The following CABLES1 variants were observed in gnomAD, a reference collection of about 807,000 sequenced individuals.
CABLES1 encodes the protein Cdk5 and Abl enzyme substrate 1.
In CABLES1, 36 loss-of-function variants were observed where a neutral mutation model predicts 57.8. The observed-to-expected ratio is 0.62, with a 90% CI of 0.48 to 0.82. The LOEUF (loss-of-function observed/expected upper bound fraction) is 0.82, where lower values mean the gene tolerates loss of function less well. CABLES1 is among the 40% of genes least tolerant of loss of function. The pLI is 0.00. For synonymous variants in CABLES1, 374 were observed against 363.0 expected, an observed-to-expected ratio of 1.03 and a Z score of -0.35; for missense variants, 767 against 836.6, an observed-to-expected ratio of 0.92 and a Z score of 1.03.
intron 1 of CABLES1, among the ~76,000 whole-genome samples, chr18:23,174,462 T>C (rs78853245): frequency 2.1e-3 from 312 of 151,592 alleles, no homozygotes; most frequent in African/African-American, 7.1e-3. Flanking sequence ...TCATATGGGG[T>C]GACTCTGTGT....
intron 2 of CABLES1, among the ~76,000 whole-genome samples, chr18:23,190,986 G>T (rs2047238586): frequency 1.3e-5 from 2 of 149,052 alleles, no homozygotes; most frequent in African/African-American, 5.0e-5. Flanking sequence ...GCTCACACCT[G>T]TAACCCCAGC....
chr18:23,141,753 T>G (rs2046859224), intron 1 of CABLES1, among the ~76,000 whole-genome samples: 1 of 152,078 alleles, frequency 6.6e-6, no homozygotes, highest in East Asian at 1.9e-4. Flanking sequence ...GGGAGGCCAG[T>G]GAGCTCAAGG....
intron 3 of CABLES1, chr18:23,197,820 C>T (rs2047295601): frequency 6.6e-6 from 1 of 152,206 alleles, no homozygotes; most frequent in African/African-American, 2.4e-5. Context: ...ATTTTAGGAA[C>T]ACGGTCGCAG....
At position 23,205,498 on chromosome 18, in the gene CABLES1, A is replaced by G. The variant is rs181441210; in HGVS notation, c.1011-8479A>G. Among the ~76,000 whole-genome samples the G allele has an allele frequency of 2.6e-3, 390 of 152,202 alleles. 4 individuals carry two copies. The highest frequency in any genetic ancestry group is 8.4e-3 in the African/African-American group (349 of 41,538). On this transcript the variant is annotated intron_variant, in intron 3 of 9. Transcript: ENST00000256925. Reference sequence around the variant, plus strand: ...CTTGAGCCACCATACCTGGCCGGACATTCTCACTTCTGTGACACCAAACTC... The same window carrying G: ...CTTGAGCCACCATACCTGGCCGGACGTTCTCACTTCTGTGACACCAAACTC...
intron 5 of CABLES1, 68 bp downstream of exon 5, chr18:23,234,772 G>C: frequency 7.8e-7 from 1 of 1,287,940 alleles, no homozygotes; most frequent in South Asian, 1.2e-5. Flanking sequence ...CAGAGGAGGG[G>C]GGCAGCCCAC....
chr18:23,250,925 G>C (rs2048022131), intron 7 of CABLES1, among the ~76,000 whole-genome samples: 1 of 152,188 alleles, frequency 6.6e-6, no homozygotes, highest in Admixed American at 6.5e-5. Flanking sequence ...CACTTGAACG[G>C]GGATGTGCTG....
At chr18:23,209,816 G>C (rs1341695920) in intron 3 of CABLES1, among the ~76,000 whole-genome samples, 1 of 78,034 alleles carries the variant, frequency 1.3e-5, no homozygotes, top group Non-Finnish European at 3.0e-5. Flanking sequence ...CATTGCCAGT[G>C]CTGGGCTGAG....
chr18:23,198,539 G>T (rs964483815), intron 3 of CABLES1, among the ~76,000 whole-genome samples: 2 of 152,126 alleles, frequency 1.3e-5, no homozygotes, highest in Non-Finnish European at 2.9e-5. Flanking sequence ...GAACTGAGGC[G>T]CAAATAAGCT....
intron 1 of CABLES1, among the ~76,000 whole-genome samples, chr18:23,180,248 A>G (rs1438480150): frequency 6.6e-6 from 1 of 152,068 alleles, no homozygotes; most frequent in African/African-American, 2.4e-5. Flanking sequence ...AAGTGAGCGC[A>G]GTCTGATTGG....
intron 1 of CABLES1, among the ~76,000 whole-genome samples, chr18:23,170,900 G>A (rs2047077648): frequency 6.6e-6 from 1 of 152,140 alleles, no homozygotes; most frequent in Non-Finnish European, 1.5e-5. Flanking sequence ...AGGCTCCAGC[G>A]ATTCTGGTGC....
chr18:23,245,655 C>T (rs1368513875), intron 7 of CABLES1, among the ~76,000 whole-genome samples: 2 of 152,228 alleles, frequency 1.3e-5, no homozygotes, highest in Admixed American at 6.5e-5. Flanking sequence ...AGACTGTCTC[C>T]AGCAGGGCAG....
intron 1 of CABLES1, among the ~76,000 whole-genome samples, chr18:23,184,048 G>A (rs866901854): frequency 6.6e-5 from 10 of 152,250 alleles, no homozygotes; most frequent in South Asian, 4.1e-4. Context: ...CAGGGAACAG[G>A]TCCTCATCTT....
In CABLES1 at chr18:23,185,452, C is replaced by T. The variant is rs180680252; in HGVS notation, c.846-3386C>T. Among the ~76,000 whole-genome samples the T allele has an allele frequency of 3.2e-3, 484 of 152,276 alleles. 2 individuals carry two copies. The highest frequency in any genetic ancestry group is 0.011 in the African/African-American group (445 of 41,560). ...CTGAGGACAGGAGGCAAGCCTGGTT[C>T]AGCTGTGTGTTCCTGACAGGGCTCA... On this transcript the variant is annotated intron_variant, in intron 1 of 9. Transcript: ENST00000256925.
At chr18:23,208,330 T>A (rs1361918004) in intron 3 of CABLES1, among the ~76,000 whole-genome samples, 1 of 152,154 alleles carries the variant, frequency 6.6e-6, no homozygotes, top group East Asian at 1.9e-4. Flanking sequence ...GTCCCCCCAA[T>A]AGCTCATGAG....
Position 23,235,960 on chromosome 18 carries a change from C to G in CABLES1, c.1251C>G (p.Asp417Glu), listed in dbSNP as rs1317083650. ...NAFGARRNTI[D>E]STSSFSQFRN... Reference sequence around the variant, plus strand: ...TTGGAGCCCGGAGAAATACCATAGACTCCACCTCCTCTTTCTCCCAGTTCC... The same window carrying G: ...TTGGAGCCCGGAGAAATACCATAGAGTCCACCTCCTCTTTCTCCCAGTTCC... The change falls in exon 6 of 10, where the codon GAC becomes GAG. Residue 417 changes from aspartate (D) to glutamate (E), a missense_variant. This residue lies in a region of CABLES1 where 529 missense variants were observed against 622.8 expected (regional missense o/e 0.85). Transcript: ENST00000256925. The G allele has an allele frequency of 6.2e-7, 1 of 1,614,082 alleles. No individual in the cohort carries two copies. The highest frequency in any genetic ancestry group is 8.5e-7 in the Non-Finnish European group (1 of 1,180,018).
chr18:23,233,787 G>A (rs80350249), intron 4 of CABLES1, among the ~76,000 whole-genome samples: 1,746 of 152,258 alleles, frequency 0.011, 33 homozygotes, highest in East Asian at 0.07. Flanking sequence ...TTTTCTAGGT[G>A]GTCTGTCAAG....
At chr18:23,155,545 G>A (rs530649660) in intron 1 of CABLES1, among the ~76,000 whole-genome samples, 2 of 152,324 alleles carry the variant, frequency 1.3e-5, no homozygotes, top group East Asian at 1.9e-4. Flanking sequence ...AGTAATGGAG[G>A]TGACATTTTA....
chr18:23,135,624 G>T lies in CABLES1; in HGVS notation c.-139G>T, dbSNP rs951238978. On this transcript the variant is annotated 5_prime_UTR_variant, in exon 1 of 10. Transcript: ENST00000256925. ...AGGGGCGAGCATGGCCCGCCCGCGG[G>T]GGGGCTGGACCGCCGCGCACGCCGC... 6.5e-5 allele frequency: 44 copies of T among 679,056 alleles called. No homozygotes were observed. Among genetic ancestry groups the T allele is most frequent in the South Asian group, 3.3e-4 (5 of 15,292 alleles). The allele number at this position is 679,056 out of a possible 1,614,324, so 42.1% of individuals were successfully genotyped here.
intron 1 of CABLES1, among the ~76,000 whole-genome samples, chr18:23,181,369 G>A (rs747232959): frequency 5.9e-5 from 9 of 151,728 alleles, no homozygotes; most frequent in Non-Finnish European, 1.2e-4. Flanking sequence ...GGTGGTATGC[G>A]CCTGTAGTCC....
Sources: gnomAD v4.1 joint callset for allele counts (sites outside exome capture counted in the v4.1 genomes callset) on GRCh38, gnomAD v4.1.1 for gene constraint, gnomAD v4.1.1 regional missense constraint, MANE v1.5 for transcripts, NCBI Gene and HGNC (gene_info 2026-07-23, HGNC 2026-07-21) for gene names.